CDH4: variants seen among roughly 807,000 people sequenced by gnomAD.
The protein encoded by CDH4 is cadherin 4, also known as cadherin-4.
A neutral mutation model predicts 86.0 loss-of-function variants in CDH4; 33 were observed. That is an observed-to-expected ratio of 0.38 (90% CI 0.29 to 0.51). The LOEUF (loss-of-function observed/expected upper bound fraction) is 0.51. Ranked by LOEUF, CDH4 falls within the 20% of genes least tolerant of loss-of-function variation. The pLI is 0.86. For synonymous variants in CDH4, 555 were observed against 549.4 expected, an observed-to-expected ratio of 1.01 and a Z score of -0.14; for missense variants, 1,114 against 1,307.4, an observed-to-expected ratio of 0.85 and a Z score of 2.28.
At chr20:61,563,130 C>T (rs756721003) in intron 2 of CDH4, among the ~76,000 whole-genome samples, 60 of 152,254 alleles carry the variant, frequency 3.9e-4, no homozygotes, top group Admixed American at 7.8e-4. Flanking sequence ...CTCCAGAGTC[C>T]GGAACAACCT....
chr20:61,257,693 C>A (rs2084106348), intron 2 of CDH4, among the ~76,000 whole-genome samples: 1 of 152,374 alleles, frequency 6.6e-6, no homozygotes, highest in South Asian at 2.1e-4. Context: ...GCAGTGTTCT[C>A]TAAACCGTAG....
chr20:61,602,388 T>G (rs1273157398), intron 2 of CDH4, among the ~76,000 whole-genome samples: 6 of 152,078 alleles, frequency 3.9e-5, no homozygotes, highest in African/African-American at 1.4e-4. Context: ...CAAAGGAAAC[T>G]CACATGTCTT....
intron 2 of CDH4, among the ~76,000 whole-genome samples, chr20:61,677,677 A>G (rs1370782576): frequency 6.6e-6 from 1 of 151,396 alleles, no homozygotes; most frequent in Admixed American, 6.6e-5. Context: ...GGGTGGGTGG[A>G]CAGACGGACG....
chr20:61,664,221 A>C (rs1277370628), intron 2 of CDH4, among the ~76,000 whole-genome samples: 2 of 152,208 alleles, frequency 1.3e-5, no homozygotes, highest in Non-Finnish European at 2.9e-5. Flanking sequence ...AGTCCAAGGC[A>C]GACCCTGGGC....
chr20:61,642,348 G>A (rs967638096), intron 2 of CDH4, among the ~76,000 whole-genome samples: 1 of 152,042 alleles, frequency 6.6e-6, no homozygotes, highest in Non-Finnish European at 1.5e-5. Flanking sequence ...TGTGGAATGG[G>A]GAACCAGCAG....
intron 2 of CDH4, among the ~76,000 whole-genome samples, chr20:61,308,431 C>T (rs1474725965): frequency 3.3e-5 from 5 of 152,196 alleles, no homozygotes; most frequent in African/African-American, 9.7e-5. Flanking sequence ...GAGGTGAAGT[C>T]GGTGACACCC....
At chr20:61,445,297 C>G (rs905833830) in intron 2 of CDH4, among the ~76,000 whole-genome samples, 6 of 152,252 alleles carry the variant, frequency 3.9e-5, no homozygotes, top group Admixed American at 3.9e-4. Context: ...CCCCGGCCAT[C>G]CCCAGGCAGG....
chr20:61,647,542 T>TCTCTCTCC lies in CDH4; in HGVS notation c.170-96018_170-96017insTCTCCCTC, dbSNP rs1281087765. Among the ~76,000 whole-genome samples, 4 of 108,228 alleles carry TCTCTCTCC rather than the reference T, an allele frequency of 3.7e-5. 1 individual carries two copies. Among genetic ancestry groups the TCTCTCTCC allele is most frequent in the South Asian group, 5.6e-4 (2 of 3,568 alleles). 71.0% of individuals were successfully genotyped at this position (108,228 alleles called of 152,430 possible). The stretch of plus-strand genomic sequence containing the variant: ...CACACATATTCTCTCTCCCTCTCCC[T>TCTCTCTCC]CTCCCTCTCCCTCTCCCTCTCCCTC... On this transcript the variant is annotated intron_variant, in intron 2 of 15. Coordinates refer to ENST00000614565, the MANE Select transcript of CDH4 (RefSeq NM_001794.5).
At chr20:61,921,894 G>A (rs1437226971) in intron 9 of CDH4, among the ~76,000 whole-genome samples, 2 of 152,128 alleles carry the variant, frequency 1.3e-5, no homozygotes, top group Admixed American at 6.5e-5. Context: ...TTATCCTCAC[G>A]ATGTTTCTTT....
intron 2 of CDH4, among the ~76,000 whole-genome samples, chr20:61,350,768 G>T (rs4810235): frequency 0.73 from 111,076 of 152,154 alleles, 41,056 homozygotes; most frequent in African/African-American, 0.85. Context: ...AAGTTGTGTT[G>T]TGAGCGGAAA....
At chr20:61,368,497 G>A (rs2123330851) in intron 2 of CDH4, among the ~76,000 whole-genome samples, 1 of 152,222 alleles carries the variant, frequency 6.6e-6, no homozygotes, top group African/African-American at 2.4e-5. Context: ...AGCCTCCAAA[G>A]CAATGAACAA....
intron 2 of CDH4, among the ~76,000 whole-genome samples, chr20:61,668,151 C>G (rs1200243003): frequency 6.6e-6 from 1 of 152,248 alleles, no homozygotes; most frequent in Non-Finnish European, 1.5e-5. Context: ...CTCCAGAGGT[C>G]AGGTTGGGTA....
At chr20:61,287,684 G>C (rs1365444064) in intron 2 of CDH4, among the ~76,000 whole-genome samples, 1 of 152,166 alleles carries the variant, frequency 6.6e-6, no homozygotes, top group Non-Finnish European at 1.5e-5. Context: ...GTGGCCCTGG[G>C]CCTCTTGCTG....
chr20:61,588,826 A>G (rs1442954380), intron 2 of CDH4, among the ~76,000 whole-genome samples: 1 of 152,160 alleles, frequency 6.6e-6, no homozygotes, highest in Non-Finnish European at 1.5e-5. Flanking sequence ...CAGCTTTTCC[A>G]ACTGATGTAT....
At chr20:61,458,987 A>C in intron 2 of CDH4, among the ~76,000 whole-genome samples, 1 of 148,866 alleles carries the variant, frequency 6.7e-6, no homozygotes, top group African/African-American at 2.5e-5. Flanking sequence ...GGAGCCTGGC[A>C]ACCTTGGTCC....
intron 7 of CDH4, among the ~76,000 whole-genome samples, chr20:61,884,953 T>C (rs541117446): frequency 1.3e-5 from 2 of 152,194 alleles, no homozygotes; most frequent in East Asian, 1.9e-4. Context: ...CCCTTCAGCC[T>C]GGAGAGTCCC....
intron 2 of CDH4, among the ~76,000 whole-genome samples, chr20:61,520,777 C>G (rs2085863287): frequency 6.6e-6 from 1 of 152,198 alleles, no homozygotes; most frequent in South Asian, 2.1e-4. Context: ...CCCCGTACTG[C>G]TTATTAGAGG....
At chr20:61,296,726 A>T (rs1336625294) in intron 2 of CDH4, among the ~76,000 whole-genome samples, 1 of 152,146 alleles carries the variant, frequency 6.6e-6, no homozygotes, top group African/African-American at 2.4e-5. Flanking sequence ...GGAAGGCCAG[A>T]CCCAGGCGTC....
chr20:61,831,500 T>C (rs1233893084), intron 4 of CDH4, among the ~76,000 whole-genome samples: 1 of 152,258 alleles, frequency 6.6e-6, no homozygotes, highest in African/African-American at 2.4e-5. Flanking sequence ...CAGCCAGGCC[T>C]GACACCCCGA....
Sources: gnomAD v4.1 joint callset for allele counts (sites outside exome capture counted in the v4.1 genomes callset) on GRCh38, gnomAD v4.1.1 for gene constraint, MANE v1.5 for transcripts, NCBI Gene and HGNC (gene_info 2026-07-23, HGNC 2026-07-21) for gene names.